The following GPR101 variants were observed in gnomAD, a reference collection of about 807,000 sequenced individuals.
GPR101 encodes probable G protein-coupled receptor 101.
A neutral mutation model predicts 16.4 loss-of-function variants in GPR101; 8 were observed. The observed-to-expected ratio is 0.49, with a 90% CI of 0.29 to 0.88. The LOEUF (loss-of-function observed/expected upper bound fraction) is 0.88. Ranked by LOEUF, GPR101 falls within the 40% of genes least tolerant of loss-of-function variation. The pLI is 0.09. For synonymous variants in GPR101, 155 were observed against 168.7 expected, an observed-to-expected ratio of 0.92 and a Z score of 0.63; for missense variants, 375 against 411.7, an observed-to-expected ratio of 0.91 and a Z score of 0.77.
At position 137,024,695 on chromosome X, in the gene GPR101, A is replaced by G. The variant is rs771686551; in HGVS notation, c.*5453T>C. Among the ~76,000 whole-genome samples the G allele has an allele frequency of 1.8e-5, 2 of 110,755 alleles. No homozygotes were observed. Among genetic ancestry groups the G allele is most frequent in the African/African-American group, 6.6e-5 (2 of 30,431 alleles). On this transcript the variant is annotated 3_prime_UTR_variant, in exon 2 of 2. Coordinates refer to ENST00000651716, the MANE Select transcript of GPR101 (RefSeq NM_054021.2). ...GAGGAGTCCCACTACCTCTCTATCT[A>G]GTTAGCCATCCATGCTGTCTCTATC... is the stretch of plus-strand genomic sequence containing the variant.
chrX:137,030,462 T>C lies in GPR101; in HGVS notation c.1213A>G (p.Ile405Val), dbSNP rs200785684. 12 of 1,209,040 alleles carry C rather than the reference T, an allele frequency of 9.9e-6. No individual in the cohort carries two copies. The African/African-American group carries it at 1.8e-4, about 18-fold the overall frequency. Residue 405 changes from isoleucine (I) to valine (V), a missense_variant, in exon 2 of 2, where the codon ATT becomes GTT. By Grantham distance (29) the Ile-to-Val change is conservative. Transcript: ENST00000651716. ...CKAAKVIFII[I>V]FSYVLSLGPY... is the part of the protein sequence containing the mutation. ...CCCAGGGATAGCACATAGGAGAAAA[T>C]GATGATGAAGATCACTTTAGCAGCT...
In GPR101 at chrX:137,027,976, A is replaced by G. The variant is rs1284686793; in HGVS notation, c.*2172T>C. On this transcript the variant is annotated 3_prime_UTR_variant, in exon 2 of 2. Transcript: ENST00000651716. Reference sequence around the variant, plus strand: ...ACCTTGAACTCCTTTGACAATTTGAACAGACCTGAAGGCACTGCCCCTCCC... The same window carrying G: ...ACCTTGAACTCCTTTGACAATTTGAGCAGACCTGAAGGCACTGCCCCTCCC... Among the ~76,000 whole-genome samples, 1 of 112,488 alleles carries G rather than the reference A, an allele frequency of 8.9e-6. No homozygotes were observed. The highest frequency in any genetic ancestry group is 3.2e-5 in the African/African-American group (1 of 30,971).
At position 137,025,301 on chromosome X, in the gene GPR101, A is replaced by T. The variant is rs1036972573; in HGVS notation, c.*4847T>A. ...CATTTTATTAACTAACTTTACAAGT[A>T]CATACTACCTTTGAGGACAACACTA... is the stretch of plus-strand genomic sequence containing the variant. On this transcript the variant is annotated 3_prime_UTR_variant, in exon 2 of 2. Transcript: ENST00000651716. Among the ~76,000 whole-genome samples the T allele has an allele frequency of 3.6e-5, 4 of 112,661 alleles. No homozygotes were observed. The highest frequency in any genetic ancestry group is 7.5e-5 in the Non-Finnish European group (4 of 53,373).
rs143030995 is a variant in GPR101, at chrX:137,030,408, C to G, written c.1267G>C (p.Val423Leu). 1.7e-6 allele frequency: 2 copies of G among 1,208,787 alleles called. No homozygotes were observed. Among genetic ancestry groups the G allele is most frequent in the African/African-American group, 3.5e-5 (2 of 56,981 alleles). ...GPYCFLAVLA[V>L]WVDVETQVPQ... is the part of the protein sequence containing the mutation. ...ACCTGGGTTTCGACATCCACCCACA[C>G]GGCCAGGACTGCTAAAAAGCAGTAG... Residue 423 changes from valine (V) to leucine (L), a missense_variant, in exon 2 of 2, where the codon GTG (valine) becomes CTG (leucine). Physicochemically the swap from Val to Leu is conservative, Grantham distance 32. Transcript: ENST00000651716.
rs774457506 is a variant in GPR101, at chrX:137,025,882, TC to T, written c.*4265del. Among the ~76,000 whole-genome samples, 8 of 112,758 alleles carry T rather than the reference TC, an allele frequency of 7.1e-5. No homozygotes were observed. The Admixed American group carries it at 7.5e-4, about 11-fold the overall frequency. ...TGGGCATTTGACGTAGAGGAAGAGA[TC>T]ATTGCTAAGTAATTGGAAAGAATTT... On this transcript the variant is annotated 3_prime_UTR_variant, in exon 2 of 2. Transcript: ENST00000651716.
Position 137,030,540 on chromosome X carries a change from T to A in GPR101, c.1135A>T (p.Ser379Cys). 1 of 1,211,104 alleles carries A rather than the reference T, an allele frequency of 8.3e-7. No homozygotes were observed. The highest frequency in any genetic ancestry group is 1.1e-6 in the Non-Finnish European group (1 of 895,198). ...AVNIPESLPPSRRNSNSNPPL... is the reference protein window; with the variant it reads ...AVNIPESLPPCRRNSNSNPPL... ...GGGTTGCTGTTGCTGTTACGACGACTGGGTGGGAGGCTCTCCGGGATGTTC... is the reference window on the plus strand; with the variant it reads ...GGGTTGCTGTTGCTGTTACGACGACAGGGTGGGAGGCTCTCCGGGATGTTC... The change falls in exon 2 of 2, where the codon AGT becomes TGT. Residue 379 changes from serine to cysteine, a missense_variant. Transcript: ENST00000651716.
chrX:137,032,038 G>A lies in GPR101; in HGVS notation c.-92-272C>T, dbSNP rs911117131. ...CTCTCACACTGTCTCTGGCTCCGGG[G>A]AGTTTTGGTCGCTAGCGCTAGCGCA... On this transcript the variant is annotated intron_variant, in intron 1 of 1. Coordinates refer to ENST00000651716, the MANE Select transcript of GPR101 (RefSeq NM_054021.2). Among the ~76,000 whole-genome samples the A allele has an allele frequency of 3.6e-5, 4 of 111,158 alleles. No individual in the cohort carries two copies. In the East Asian group the frequency reaches 8.6e-4, roughly 24 times the overall value.
At position 137,027,287 on chromosome X, in the gene GPR101, T is replaced by C. The variant is rs1236503853; in HGVS notation, c.*2861A>G. Reference sequence around the variant, plus strand: ...GTCTGGTTTGTCTGGCCCCTGTACTTTAATGGGATTTTTTTTTTTTTTTTT... The same window carrying C: ...GTCTGGTTTGTCTGGCCCCTGTACTCTAATGGGATTTTTTTTTTTTTTTTT... On this transcript the variant is annotated 3_prime_UTR_variant, in exon 2 of 2. Coordinates refer to ENST00000651716, the MANE Select transcript of GPR101 (RefSeq NM_054021.2). Among the ~76,000 whole-genome samples, 2 of 88,095 alleles carry C rather than the reference T, an allele frequency of 2.3e-5. No individual in the cohort carries two copies. Among genetic ancestry groups the C allele is most frequent in the Non-Finnish European group, 4.3e-5 (2 of 46,731 alleles). The allele number at this position is 88,095 out of a possible 115,157, so 76.5% of individuals were successfully genotyped here.
At chrX:137,032,314 A>G (rs980356804) in intron 1 of GPR101, among the ~76,000 whole-genome samples, 1 of 107,801 alleles carries the variant, frequency 9.3e-6, no homozygotes, top group African/African-American at 3.4e-5. Flanking sequence ...TTTGTCACTC[A>G]GTCTCTCTGT....
rs768636784 is a variant in GPR101, at chrX:137,031,579, G to T, written c.96C>A (p.Ile32=). ...AGATAACCAGCACGGTTGAGCGGATGATGCCGTGGGCCAGGCTGATGGGCA... is the reference window on the plus strand; with the variant it reads ...AGATAACCAGCACGGTTGAGCGGATTATGCCGTGGGCCAGGCTGATGGGCA... ...SKMPISLAHG[I]IRSTVLVIFL... The change falls in exon 2 of 2, where the codon ATC becomes ATA. Residue 32 remains isoleucine, a synonymous_variant. Transcript: ENST00000651716. 2 of 1,211,365 alleles carry T rather than the reference G, an allele frequency of 1.7e-6. No homozygotes were observed. The highest frequency in any genetic ancestry group is 3.5e-5 in the South Asian group (2 of 56,865).
Position 137,029,173 on chromosome X carries a change from G to T in GPR101, c.*975C>A, listed in dbSNP as rs761640882. Among the ~76,000 whole-genome samples, 4 of 112,217 alleles carry T rather than the reference G, an allele frequency of 3.6e-5. No homozygotes were observed. The highest frequency in any genetic ancestry group is 5.6e-5 in the Non-Finnish European group (3 of 53,229). ...TGTAGGACTTAGGCCACTTCTAGTTGAATTTCTTTTTTTCTGTAAATACTG... is the reference window on the plus strand; with the variant it reads ...TGTAGGACTTAGGCCACTTCTAGTTTAATTTCTTTTTTTCTGTAAATACTG... On this transcript the variant is annotated 3_prime_UTR_variant, in exon 2 of 2. Coordinates refer to ENST00000651716, the MANE Select transcript of GPR101 (RefSeq NM_054021.2).
rs1399977584 is a variant in GPR101 at position 137,028,876 on chromosome X, T to C, written c.*1272A>G. 8.9e-6 allele frequency among the ~76,000 whole-genome samples: 1 copy of C among 112,525 alleles called. No homozygotes were observed. The highest frequency in any genetic ancestry group is 9.4e-5 in the Admixed American group (1 of 10,657). ...TCTGAATGCTCTGATTTTAGGACTG[T>C]TTGGAATAGGTTACATGTTTTCTAG... On this transcript the variant is annotated 3_prime_UTR_variant, in exon 2 of 2. Coordinates refer to ENST00000651716, the MANE Select transcript of GPR101 (RefSeq NM_054021.2).
In GPR101 at chrX:137,026,477, T is replaced by C. The variant is rs1325606585; in HGVS notation, c.*3671A>G. ...AGTCTAAGTAAGCCTAGTTTAATCATGTAAATTATTCTTCAGGTAGTATGA... is the reference window on the plus strand; with the variant it reads ...AGTCTAAGTAAGCCTAGTTTAATCACGTAAATTATTCTTCAGGTAGTATGA... On this transcript the variant is annotated 3_prime_UTR_variant, in exon 2 of 2. Coordinates refer to ENST00000651716, the MANE Select transcript of GPR101 (RefSeq NM_054021.2). Among the ~76,000 whole-genome samples the C allele has an allele frequency of 8.9e-6, 1 of 112,275 alleles. No homozygotes were observed. Among genetic ancestry groups the C allele is most frequent in the East Asian group, 2.8e-4 (1 of 3,618 alleles).
rs1196047806 is a variant in GPR101, at chrX:137,028,311, C to A, written c.*1837G>T. Among the ~76,000 whole-genome samples, 1 of 111,488 alleles carries A rather than the reference C, an allele frequency of 9.0e-6. No homozygotes were observed. The highest frequency in any genetic ancestry group is 2.8e-4 in the East Asian group (1 of 3,592). On this transcript the variant is annotated 3_prime_UTR_variant, in exon 2 of 2. Transcript: ENST00000651716. ...TTTCCTAAATTCTGAACATGGCAAT[C>A]CCAAATTCCCATGCAGAGTTATTCA...
chrX:137,032,894 C>A (rs1927295198), intron 1 of GPR101, among the ~76,000 whole-genome samples: 1 of 110,583 alleles, frequency 9.0e-6, no homozygotes. Flanking sequence ...TCCTGTCACC[C>A]CAGGACTCTG....
rs1384112106 is a variant in GPR101 at position 137,030,982 on chromosome X, T to A, written c.693A>T (p.Arg231Ser). ...RQHALLYNVK[R>S]HSLEVRVKDC... ...CCTTGACTCGCACTTCCAAGCTGTG[T>A]CTCTTGACATTGTACAGCAGAGCAT... The change falls in exon 2 of 2, where the codon AGA becomes AGT. Residue 231 changes from arginine (R) to serine (S), a missense_variant. By Grantham distance (110) the Arg-to-Ser change is moderately radical (BLOSUM62 -1). Coordinates refer to ENST00000651716, the MANE Select transcript of GPR101 (RefSeq NM_054021.2). 16 of 1,211,833 alleles carry A rather than the reference T, an allele frequency of 1.3e-5. No homozygotes were observed. The highest frequency in any genetic ancestry group is 1.8e-5 in the Non-Finnish European group (16 of 895,415).
intron 1 of GPR101, among the ~76,000 whole-genome samples, chrX:137,032,318 T>A (rs1045930693): frequency 3.6e-5 from 4 of 111,273 alleles, no homozygotes; most frequent in African/African-American, 1.3e-4. Context: ...TCACTCAGTC[T>A]CTCTGTGTGT....
At position 137,029,394 on chromosome X, in the gene GPR101, T is replaced by C. The variant is rs1569453944; in HGVS notation, c.*754A>G. ...GTGTCAATTGACAATTTACACTTAA[T>C]GACCTCAGTTCCAGCCCATGCATAA... On this transcript the variant is annotated 3_prime_UTR_variant, in exon 2 of 2. Coordinates refer to ENST00000651716, the MANE Select transcript of GPR101 (RefSeq NM_054021.2). Among the ~76,000 whole-genome samples the C allele has an allele frequency of 8.9e-6, 1 of 112,347 alleles. No individual in the cohort carries two copies. Among genetic ancestry groups the C allele is most frequent in the Non-Finnish European group, 1.9e-5 (1 of 53,316 alleles).
Position 137,031,680 on chromosome X carries a change from C to CA in GPR101, c.-7dup. ...TTGGTGCAGGTGGACGTCATGGCAA[C>CA]AGCCAGAGGGCGTGAGACAGGTTGC... On this transcript the variant is annotated 5_prime_UTR_variant, in exon 2 of 2. Transcript: ENST00000651716. 8.5e-7 allele frequency: 1 copy of CA among 1,177,118 alleles called. No homozygotes were observed. The highest frequency in any genetic ancestry group is 3.0e-5 in the East Asian group (1 of 33,528).
Sources: allele counts gnomAD v4.1 joint callset (sites outside exome capture counted in the v4.1 genomes callset), GRCh38; gene constraint gnomAD v4.1.1; transcripts MANE v1.5; gene names NCBI Gene and HGNC (gene_info 2026-07-23, HGNC 2026-07-21).